The following LRP6 variants were observed in gnomAD, a reference collection of about 807,000 sequenced individuals.
LRP6 encodes the protein low-density lipoprotein receptor-related protein 6.
LRP6 carries 43 observed loss-of-function variants against 184.1 expected under a neutral mutation model. The observed-to-expected ratio is 0.23, with a 90% confidence interval of 0.18 to 0.30. LRP6 has a LOEUF of 0.30. Among genes scored for constraint, LRP6 ranks in the 10% least tolerant of loss-of-function variants. The probability of loss-of-function intolerance (pLI) is 1.00; values close to 1 mark genes in which losing one functional copy is unlikely to be tolerated. For missense variants in LRP6, 1,571 were observed against 2,005.3 expected, an observed-to-expected ratio of 0.78 and a Z score of 4.14; for synonymous variants, 719 against 684.9, an observed-to-expected ratio of 1.05 and a Z score of -0.78.
chr12:12,138,294 C>A, intron 16 of LRP6, 31 bp downstream of exon 16: 4 of 1,523,890 alleles, frequency 2.6e-6, no homozygotes, highest in Non-Finnish European at 2.7e-6. Flanking sequence ...CACATGATTC[C>A]TCCAATTAGC....
At chr12:12,123,063 C>T (rs1429100110) in intron 22 of LRP6, among the ~76,000 whole-genome samples, 3 of 149,700 alleles carry the variant, frequency 2.0e-5, no homozygotes, top group African/African-American at 7.4e-5. Context: ...AGAAAACAAA[C>T]TGAATTAATA....
At chr12:12,195,682 C>G (rs1863736110) in intron 3 of LRP6, among the ~76,000 whole-genome samples, 1 of 152,034 alleles carries the variant, frequency 6.6e-6, no homozygotes. Flanking sequence ...TCTGTAGAAG[C>G]TTTTTAGTTT....
rs1362608801 is a variant in LRP6 at position 12,181,148 on chromosome 12, C to T, written c.1268G>A (p.Gly423Asp). 1 of 1,614,086 alleles carries T rather than the reference C, an allele frequency of 6.2e-7. No homozygotes were observed. The highest frequency in any genetic ancestry group is 8.5e-7 in the Non-Finnish European group (1 of 1,179,982). The change falls in exon 6 of 23, where the codon GGC becomes GAC. Residue 423 changes from glycine (G) to aspartate (D), a missense_variant. Gly to Asp is a moderately conservative substitution (Grantham distance 94). Around this residue, in one of 4 missense-constraint regions of LRP6, gnomAD observed 640 missense variants for 851.9 expected, o/e 0.75. Coordinates refer to ENST00000261349, the MANE Select transcript of LRP6 (RefSeq NM_002336.3). Reference sequence around the variant, plus strand: ...CCTTGTCACTTCTATTCGATCAGTGCCAGTGTCTGTCCAATAAAGATTTCG... The same window carrying T: ...CCTTGTCACTTCTATTCGATCAGTGTCAGTGTCTGTCCAATAAAGATTTCG... Reference protein sequence around the residue: ...VARNLYWTDTGTDRIEVTRLN... With the variant: ...VARNLYWTDTDTDRIEVTRLN...
intron 1 of LRP6, among the ~76,000 whole-genome samples, chr12:12,262,103 GCACAGTGGCT>G (rs1865630565): frequency 6.6e-6 from 1 of 152,030 alleles, no homozygotes; most frequent in Non-Finnish European, 1.5e-5. Flanking sequence ...ATTAGGCCGG[GCACAGTGGCT>G]CACACCTGTA....
At chr12:12,266,065 T>C (rs1865749063) in intron 1 of LRP6, among the ~76,000 whole-genome samples, 1 of 152,148 alleles carries the variant, frequency 6.6e-6, no homozygotes, top group African/African-American at 2.4e-5. Flanking sequence ...TTTTATTTTA[T>C]TATGGGCTGA....
rs550136347 is a variant in LRP6 at position 12,146,599 on chromosome 12, C to T, written c.3397+767G>A. On this transcript the variant is annotated intron_variant, in intron 15 of 22. Transcript: ENST00000261349. ...TAAAATACCAGAAAGGTAAACGCCA[C>T]GATGAGGTTGTGAAAGGTGAATACT... 5.9e-5 allele frequency among the ~76,000 whole-genome samples: 9 copies of T among 152,270 alleles called. No individual in the cohort carries two copies. The South Asian group carries it at 1.9e-3, about 32-fold the overall frequency.
intron 3 of LRP6, among the ~76,000 whole-genome samples, chr12:12,195,268 A>G (rs1332567028): frequency 6.6e-6 from 1 of 152,036 alleles, no homozygotes; most frequent in Non-Finnish European, 1.5e-5. Flanking sequence ...TTTTTGAGGA[A>G]CTTCCATACT....
chr12:12,250,692 G>A (rs1865303958), intron 1 of LRP6, among the ~76,000 whole-genome samples: 2 of 151,646 alleles, frequency 1.3e-5, no homozygotes, highest in Non-Finnish European at 1.5e-5. Flanking sequence ...GCACAATCTC[G>A]GCTCACTGCA....
At chr12:12,172,903 A>C (rs1318998133) in intron 7 of LRP6, among the ~76,000 whole-genome samples, 1 of 152,220 alleles carries the variant, frequency 6.6e-6, no homozygotes, top group Non-Finnish European at 1.5e-5. Context: ...TTACAGTGCT[A>C]TATTCAAAGC....
In LRP6 at chr12:12,244,340, A is replaced by G; in HGVS notation, c.371T>C (p.Leu124Ser). 1 of 1,614,226 alleles carries G rather than the reference A, an allele frequency of 6.2e-7. No individual in the cohort carries two copies. Among genetic ancestry groups the G allele is most frequent in the East Asian group, 2.2e-5 (1 of 44,888 alleles). ...SETNRIEVSN[L>S]DGSLRKVLFW... is the part of the protein sequence containing the mutation. Reference sequence around the variant, plus strand: ...TAAAACTTTTCGTAAAGATCCATCTAAATTAGAAACTTCAATCCGATTAGT... The same window carrying G: ...TAAAACTTTTCGTAAAGATCCATCTGAATTAGAAACTTCAATCCGATTAGT... The change falls in exon 2 of 23, where the codon TTA (leucine) becomes TCA (serine). Residue 124 changes from leucine (L) to serine (S), a missense_variant. Physicochemically the swap from Leu to Ser is moderately radical, Grantham distance 145. This residue lies in a region of LRP6 where 640 missense variants were observed against 851.9 expected (regional missense o/e 0.75). Transcript: ENST00000261349.
rs527612212 is a variant in LRP6 at position 12,200,753 on chromosome 12, T to C, written c.647+2450A>G. ...TCCTTTATGGCAACCTTTACACATT[T>C]TGCTTCATAAAGAAGCAGCCCATGA... On this transcript the variant is annotated intron_variant, in intron 3 of 22. Coordinates refer to ENST00000261349, the MANE Select transcript of LRP6 (RefSeq NM_002336.3). Among the ~76,000 whole-genome samples, 3 of 152,344 alleles carry C rather than the reference T, an allele frequency of 2.0e-5. No individual in the cohort carries two copies. In the South Asian group the frequency reaches 6.2e-4, roughly 32 times the overall value.
At chr12:12,159,686 G>C (rs1047026066) in intron 11 of LRP6, 94 bp downstream of exon 11, 2 of 1,154,252 alleles carry the variant, frequency 1.7e-6, no homozygotes, top group Admixed American at 3.5e-5. Flanking sequence ...TTCATATGAA[G>C]TTGTATTAAA....
At chr12:12,187,445 C>T (rs1863503277) in intron 3 of LRP6, 1 of 366,754 alleles carries the variant, frequency 2.7e-6, no homozygotes, top group African/African-American at 2.1e-5. Flanking sequence ...CTTCAACTAC[C>T]ATCTCTGGAC....
intron 12 of LRP6, chr12:12,155,868 G>GT (rs1950145113): frequency 1.6e-6 from 1 of 613,210 alleles, no homozygotes; most frequent in Non-Finnish European, 2.9e-6. Context: ...GTAAAACAGC[G>GT]TATGTGTTTT....
intron 2 of LRP6, among the ~76,000 whole-genome samples, chr12:12,204,425 G>T (rs1277665864): frequency 1.3e-5 from 2 of 152,018 alleles, no homozygotes; most frequent in Admixed American, 1.3e-4. Context: ...GGGAGAAAAG[G>T]CAAAACTGAT....
At chr12:12,216,832 A>G (rs1591956311) in intron 2 of LRP6, among the ~76,000 whole-genome samples, 1 of 130,780 alleles carries the variant, frequency 7.6e-6, no homozygotes, top group Non-Finnish European at 1.6e-5. Context: ...CCTCCCACAC[A>G]CCCTCCCCCT....
chr12:12,213,699 C>A (rs1387660127), intron 2 of LRP6, among the ~76,000 whole-genome samples: 1 of 151,934 alleles, frequency 6.6e-6, no homozygotes, highest in Non-Finnish European at 1.5e-5. Context: ...CTGATTTTTT[C>A]TTTCCTAACG....
intron 12 of LRP6, among the ~76,000 whole-genome samples, chr12:12,157,526 G>T (rs1862621820): frequency 6.6e-6 from 1 of 152,088 alleles, no homozygotes; most frequent in Non-Finnish European, 1.5e-5. Context: ...TATTACTTGT[G>T]TAAAGCAAAA....
At chr12:12,263,655 C>A (rs1262109027) in intron 1 of LRP6, among the ~76,000 whole-genome samples, 1 of 151,640 alleles carries the variant, frequency 6.6e-6, no homozygotes, top group Non-Finnish European at 1.5e-5. Context: ...CCATCCTGGG[C>A]AACATAGCAA....
Sources: allele counts gnomAD v4.1 joint callset (sites outside exome capture counted in the v4.1 genomes callset), GRCh38; gene constraint gnomAD v4.1.1; regional missense constraint gnomAD v4.1.1; transcripts MANE v1.5; gene names NCBI Gene and HGNC (gene_info 2026-07-23, HGNC 2026-07-21).